HYDIN: variants seen among roughly 807,000 people sequenced by gnomAD.
HYDIN encodes the protein HYDIN axonemal central pair apparatus protein.
HYDIN carries 132 observed loss-of-function variants against 403.9 expected under a neutral mutation model. The observed-to-expected ratio is 0.33, with a 90% CI of 0.28 to 0.38. The LOEUF (loss-of-function observed/expected upper bound fraction) is 0.38, where lower values mean the gene tolerates loss of function less well. HYDIN is among the 10% of genes least tolerant of loss of function. HYDIN has a pLI of 1.00. For synonymous variants in HYDIN, 1,202 were observed against 1,891.7 expected, an observed-to-expected ratio of 0.64 and a Z score of 9.46; for missense variants, 2,827 against 5,009.5, an observed-to-expected ratio of 0.56 and a Z score of 13.15.
chr16:71,098,666 A>C (rs1222047906), intron 10 of HYDIN, among the ~76,000 whole-genome samples: 2 of 151,738 alleles, frequency 1.3e-5, no homozygotes, highest in East Asian at 3.9e-4. Context: ...TCATGGAATA[A>C]ACTGCAGGAC....
At chr16:71,185,800 A>T (rs2144666250) in intron 2 of HYDIN, among the ~76,000 whole-genome samples, 1 of 152,328 alleles carries the variant, frequency 6.6e-6, no homozygotes, top group East Asian at 1.9e-4. Flanking sequence ...CACAATGCTC[A>T]AGTATATGCC....
intron 9 of HYDIN, among the ~76,000 whole-genome samples, chr16:71,116,057 A>C (rs943314444): frequency 1.3e-5 from 2 of 152,000 alleles, no homozygotes; most frequent in African/African-American, 4.8e-5. Flanking sequence ...CAAGTACCCA[A>C]CATATCATAC....
chr16:71,138,785 C>T (rs1471804476), intron 7 of HYDIN, among the ~76,000 whole-genome samples: 4 of 152,024 alleles, frequency 2.6e-5, no homozygotes, highest in Admixed American at 6.5e-5. Context: ...AGTTAATACT[C>T]AAAGAACTAT....
intron 8 of HYDIN, among the ~76,000 whole-genome samples, chr16:71,130,103 G>C (rs999283841): frequency 5.9e-5 from 9 of 152,186 alleles, no homozygotes; most frequent in African/African-American, 2.2e-4. Context: ...TGTATATCTG[G>C]ACAAATATTT....
At chr16:71,116,629 C>T (rs1480115726) in intron 9 of HYDIN, among the ~76,000 whole-genome samples, 2 of 152,062 alleles carry the variant, frequency 1.3e-5, no homozygotes, top group East Asian at 3.9e-4. Flanking sequence ...ATGTCCGTAC[C>T]AATCTACAGT....
chr16:70,816,190 C>G (rs1384473542), intron 84 of HYDIN, among the ~76,000 whole-genome samples: 3 of 152,128 alleles, frequency 2.0e-5, no homozygotes, highest in African/African-American at 7.2e-5. Context: ...AACCACCCCA[C>G]AAAACCACAC....
intron 1 of HYDIN, chr16:71,204,100 A>C (rs2088167851): frequency 5.3e-6 from 1 of 187,974 alleles, no homozygotes; most frequent in Non-Finnish European, 1.1e-5. Flanking sequence ...ATCAGGTTCT[A>C]AAGATTGGAA....
chr16:70,911,983 C>A (rs2076709937), intron 47 of HYDIN, among the ~76,000 whole-genome samples: 1 of 151,624 alleles, frequency 6.6e-6, no homozygotes, highest in African/African-American at 2.4e-5. Flanking sequence ...CTGCTGAATT[C>A]TTTTGTCAGT....
intron 1 of HYDIN, among the ~76,000 whole-genome samples, chr16:71,226,086 G>A (rs542878952): frequency 7.6e-4 from 116 of 152,278 alleles, no homozygotes; most frequent in Middle Eastern, 3.4e-3. Flanking sequence ...GAAAGGTAAA[G>A]GAACCAATGT....
chr16:71,048,645 A>G (rs1348422336), intron 18 of HYDIN, among the ~76,000 whole-genome samples: 1 of 151,850 alleles, frequency 6.6e-6, no homozygotes, highest in Non-Finnish European at 1.5e-5. Context: ...ACCAAATACC[A>G]CATGTAAGTG....
intron 45 of HYDIN, among the ~76,000 whole-genome samples, chr16:70,931,911 A>C (rs2077348813): frequency 6.8e-6 from 1 of 146,434 alleles, no homozygotes; most frequent in African/African-American, 2.5e-5. Flanking sequence ...GCTACTTGGG[A>C]AGCTGAGACA....
intron 19 of HYDIN, among the ~76,000 whole-genome samples, chr16:71,030,249 C>T (rs1281626449): frequency 6.6e-6 from 1 of 151,796 alleles, no homozygotes; most frequent in East Asian, 1.9e-4. Context: ...GGGGGGTCTC[C>T]CTATGTTGCC....
intron 38 of HYDIN, among the ~76,000 whole-genome samples, chr16:70,961,405 C>T (rs1160384272): frequency 6.6e-6 from 1 of 152,114 alleles, no homozygotes; most frequent in African/African-American, 2.4e-5. Context: ...CCCATGATTC[C>T]TATTCTGGGG....
chr16:71,129,361 T>A, intron 9 of HYDIN, among the ~76,000 whole-genome samples: 1 of 151,970 alleles, frequency 6.6e-6, no homozygotes, highest in Non-Finnish European at 1.5e-5. Flanking sequence ...ATTGTACACT[T>A]GTAAGCTAAT....
chr16:71,230,496 G>C (rs3743954), intron 1 of HYDIN, 66 bp downstream of exon 1: 487,305 of 1,454,174 alleles, frequency 0.34, 84,596 homozygotes, highest in East Asian at 0.55. Context: ...CGAAAAGAGG[G>C]GACGCCCCGG....
At chr16:70,820,259 C>T (rs1441044480) in intron 83 of HYDIN, among the ~76,000 whole-genome samples, 2 of 131,610 alleles carry the variant, frequency 1.5e-5, no homozygotes, top group East Asian at 2.3e-4. Flanking sequence ...GGCGCAATCT[C>T]GGCTCCCGGC....
chr16:70,942,915 T>C (rs2077727041), intron 42 of HYDIN, among the ~76,000 whole-genome samples: 2 of 152,164 alleles, frequency 1.3e-5, no homozygotes, highest in African/African-American at 4.8e-5. Context: ...GGCACACTTA[T>C]GGGAACACCT....
chr16:70,965,233 G>C (rs1382059576), intron 36 of HYDIN, among the ~76,000 whole-genome samples: 1 of 152,130 alleles, frequency 6.6e-6, no homozygotes, highest in African/African-American at 2.4e-5. Context: ...TCTACCTTGA[G>C]TGACAATTCA....
intron 19 of HYDIN, among the ~76,000 whole-genome samples, chr16:71,029,073 A>C (rs997837479): frequency 1.1e-4 from 17 of 152,148 alleles, no homozygotes; most frequent in Non-Finnish European, 1.9e-4. Context: ...TTGTCTAAAA[A>C]TATGCAATTA....
Sources: gnomAD v4.1 joint callset for allele counts (sites outside exome capture counted in the v4.1 genomes callset) on GRCh38, gnomAD v4.1.1 for gene constraint, MANE v1.5 for transcripts, NCBI Gene and HGNC (gene_info 2026-07-23, HGNC 2026-07-21) for gene names.